Variants in SVOPL observed in about 807,000 individuals in gnomAD.
The protein encoded by SVOPL is SVOP like, also known as putative transporter SVOPL.
A neutral mutation model predicts 61.0 loss-of-function variants in SVOPL; 60 were observed. The observed-to-expected ratio is 0.98, with a 90% CI of 0.80 to 1.22. SVOPL has a LOEUF of 1.22. Among genes scored for constraint, SVOPL ranks in the 50% most tolerant of loss-of-function variants. The pLI is 0.00. For missense variants in SVOPL, 662 were observed against 643.9 expected (o/e 1.03, Z -0.30); for synonymous variants, 279 against 250.0 (o/e 1.12, Z -1.09).
intron 4 of SVOPL, among the ~76,000 whole-genome samples, chr7:138,666,372 C>T (rs958386205): frequency 3.9e-5 from 6 of 152,184 alleles, no homozygotes; most frequent in South Asian, 4.1e-4. Flanking sequence ...CACTTTATTA[C>T]AAGTCTAAGT....
At chr7:138,662,051 C>T (rs80127055) in intron 5 of SVOPL, 24,142 of 985,454 alleles carry the variant, frequency 0.024, 316 homozygotes, top group Non-Finnish European at 0.027. Flanking sequence ...GAATCTGGCC[C>T]TCCTTTCCTT....
intron 5 of SVOPL, 97 bp from the exon 6 acceptor site, chr7:138,660,085 A>G: frequency 6.6e-7 from 1 of 1,506,222 alleles, no homozygotes; most frequent in Non-Finnish European, 8.9e-7. Context: ...CCATCCTGAT[A>G]GTTGCTTCTC....
chr7:138,641,144 A>G (rs1800760481), intron 9 of SVOPL, among the ~76,000 whole-genome samples: 1 of 151,816 alleles, frequency 6.6e-6, no homozygotes, highest in Admixed American at 6.6e-5. Context: ...GGCTACAGTG[A>G]GCTATGACAG....
At chr7:138,662,900 T>A in intron 5 of SVOPL, 174 bp downstream of exon 5, 6 of 1,442,730 alleles carry the variant, frequency 4.2e-6, no homozygotes, top group Non-Finnish European at 4.5e-6. Context: ...ACAGGTACCC[T>A]GAGAAAAATG....
chr7:138,681,430 C>T (rs975743115), intron 1 of SVOPL, among the ~76,000 whole-genome samples: 3 of 151,772 alleles, frequency 2.0e-5, no homozygotes, highest in Non-Finnish European at 4.4e-5. Flanking sequence ...GATTCTGGCT[C>T]AGGGACAGGA....
intron 4 of SVOPL, chr7:138,664,126 C>T: frequency 1.2e-6 from 1 of 802,448 alleles, no homozygotes; most frequent in Non-Finnish European, 1.5e-6. Flanking sequence ...TCTCCCTCTG[C>T]CTCCCTCACT....
chr7:138,700,037 T>C lies in SVOPL; in HGVS notation c.-35+1141A>G, dbSNP rs578258647. Among the ~76,000 whole-genome samples the C allele has an allele frequency of 1.8e-3, 277 of 152,354 alleles. No individual in the cohort carries two copies. In the Middle Eastern group the frequency reaches 0.024, roughly 13 times the overall value. ...AGCAAGTTGCAGGGCACAGGGCTGT[T>C]GGCAGGAGATTATCAGGATTGTAGC... On this transcript the variant is annotated intron_variant, in intron 1 of 15. Transcript: ENST00000674285.
At chr7:138,673,868 A>G (rs557186537) in intron 3 of SVOPL, among the ~76,000 whole-genome samples, 1 of 152,264 alleles carries the variant, frequency 6.6e-6, no homozygotes, top group Admixed American at 6.5e-5. Flanking sequence ...GCTTCACTCT[A>G]GACCTCAGGG....
At chr7:138,670,094 G>C (rs1802378314) in intron 4 of SVOPL, among the ~76,000 whole-genome samples, 1 of 152,074 alleles carries the variant, frequency 6.6e-6, no homozygotes, top group Non-Finnish European at 1.5e-5. Flanking sequence ...AATTATAATA[G>C]AAAAAATTAT....
intron 5 of SVOPL, 173 bp from the exon 6 acceptor site, chr7:138,660,161 T>A: frequency 7.2e-7 from 1 of 1,390,790 alleles, no homozygotes; most frequent in East Asian, 2.8e-5. Context: ...ATCCATGCCA[T>A]TCTACTGTCT....
chr7:138,653,496 C>T (rs189166651), intron 7 of SVOPL, among the ~76,000 whole-genome samples: 1 of 152,242 alleles, frequency 6.6e-6, no homozygotes, highest in East Asian at 1.9e-4. Context: ...TCCTAGGGCC[C>T]TTAAGAATTA....
intron 15 of SVOPL, among the ~76,000 whole-genome samples, chr7:138,595,282 T>C (rs1798233761): frequency 6.6e-6 from 1 of 152,164 alleles, no homozygotes; most frequent in Non-Finnish European, 1.5e-5. Context: ...GTCAGTCAGG[T>C]GGTTTCATAT....
intron 1 of SVOPL, among the ~76,000 whole-genome samples, chr7:138,698,723 G>A (rs1314232433): frequency 6.6e-6 from 1 of 152,166 alleles, no homozygotes. Context: ...ATTAGATGAT[G>A]TTTATAAAAT....
intron 3 of SVOPL, among the ~76,000 whole-genome samples, chr7:138,675,779 C>T (rs1183726058): frequency 6.6e-6 from 1 of 152,100 alleles, no homozygotes; most frequent in Non-Finnish European, 1.5e-5. Context: ...GAGTGGACCC[C>T]ATATCTTTGA....
chr7:138,607,902 G>A (rs1021169922), intron 14 of SVOPL, among the ~76,000 whole-genome samples: 2 of 152,160 alleles, frequency 1.3e-5, no homozygotes, highest in African/African-American at 2.4e-5. Context: ...AATGCATTCA[G>A]TAAGCTGGTT....
intron 14 of SVOPL, among the ~76,000 whole-genome samples, chr7:138,606,572 C>T (rs1250717000): frequency 1.3e-5 from 2 of 152,118 alleles, no homozygotes; most frequent in African/African-American, 2.4e-5. Flanking sequence ...CCGCTCATTA[C>T]ACAAAAAACA....
intron 3 of SVOPL, 111 bp from the exon 4 acceptor site, chr7:138,672,228 T>C: frequency 3.1e-6 from 3 of 952,562 alleles, no homozygotes; most frequent in Non-Finnish European, 4.8e-6. Context: ...TCCTTCCCCA[T>C]TCAGGGAGGA....
chr7:138,644,911 T>C (rs1323651384), intron 8 of SVOPL, 66 bp from the exon 9 acceptor site: 2 of 1,601,264 alleles, frequency 1.2e-6, no homozygotes, highest in Non-Finnish European at 1.7e-6. Flanking sequence ...ACAGCTATTA[T>C]TGCTCTATAC....
intron 9 of SVOPL, among the ~76,000 whole-genome samples, chr7:138,634,381 G>A (rs1005630117): frequency 6.6e-6 from 1 of 151,806 alleles, no homozygotes; most frequent in South Asian, 2.1e-4. Flanking sequence ...GGTGGCTCAC[G>A]CCTGTAATTC....
Sources: allele counts gnomAD v4.1 joint callset (sites outside exome capture counted in the v4.1 genomes callset), GRCh38; gene constraint gnomAD v4.1.1; transcripts MANE v1.5; gene names NCBI Gene and HGNC (gene_info 2026-07-23, HGNC 2026-07-21).